The following OCA2 variants were observed in gnomAD, a reference collection of about 807,000 sequenced individuals.
OCA2 encodes OCA2 melanosomal transmembrane protein.
OCA2 carries 77 observed loss-of-function variants against 100.2 expected under a neutral mutation model. The observed-to-expected ratio is 0.77, with a 90% CI of 0.64 to 0.93. The LOEUF (loss-of-function observed/expected upper bound fraction) is 0.93. Among genes scored for constraint, OCA2 ranks in the 40% least tolerant of loss-of-function variants. The pLI is 0.00. For synonymous variants in OCA2, 432 were observed against 439.2 expected (o/e 0.98, Z 0.21); for missense variants, 1,062 against 1,089.1 (o/e 0.98, Z 0.35).
chr15:28,097,895 A>G (rs2045016183), intron 1 of OCA2, among the ~76,000 whole-genome samples: 1 of 152,174 alleles, frequency 6.6e-6, no homozygotes, highest in African/African-American at 2.4e-5. Context: ...CCCCCCAGCC[A>G]CAGTGATCTT....
chr15:27,919,640 G>A (rs1007719242), intron 19 of OCA2, among the ~76,000 whole-genome samples: 1 of 152,136 alleles, frequency 6.6e-6, no homozygotes, highest in Non-Finnish European at 1.5e-5. Flanking sequence ...TGAACAAGTG[G>A]AGCACAGAGG....
chr15:28,051,095 G>A (rs1462154965), intron 2 of OCA2, among the ~76,000 whole-genome samples: 1 of 152,182 alleles, frequency 6.6e-6, no homozygotes. Context: ...TGGGACCTCT[G>A]CAGGTCTTCC....
chr15:28,096,547 T>A (rs897565242), intron 1 of OCA2, among the ~76,000 whole-genome samples: 1 of 152,196 alleles, frequency 6.6e-6, no homozygotes. Context: ...CAGCCGGTCC[T>A]GGGCTGAGAC....
intron 19 of OCA2, among the ~76,000 whole-genome samples, chr15:27,921,003 T>A (rs191522633): frequency 0.019 from 2,881 of 151,724 alleles, 85 homozygotes; most frequent in African/African-American, 0.064. Flanking sequence ...TAATTTTTTT[T>A]AAAAAAAGAG....
chr15:28,082,927 C>T (rs2044698533), intron 1 of OCA2, among the ~76,000 whole-genome samples: 1 of 152,086 alleles, frequency 6.6e-6, no homozygotes, highest in Non-Finnish European at 1.5e-5. Context: ...AACCACTCAC[C>T]ATTTTATTTT....
At chr15:27,990,443 A>C in intron 10 of OCA2, 133 bp downstream of exon 10, 1 of 880,538 alleles carries the variant, frequency 1.1e-6, no homozygotes, top group Admixed American at 1.7e-5. Context: ...TACCTCTAGC[A>C]TGGTTCTTGG....
At chr15:27,737,619 A>G in the OCA2 span, among the ~76,000 whole-genome samples, 1 of 152,358 alleles carries the variant, frequency 6.6e-6, no homozygotes, top group Non-Finnish European at 1.5e-5. Flanking sequence ...GGAGCTAAAC[A>G]TAAAAGGCAA....
intron 2 of OCA2, among the ~76,000 whole-genome samples, chr15:28,034,554 T>C (rs1792187417): frequency 6.6e-6 from 1 of 152,098 alleles, no homozygotes; most frequent in African/African-American, 2.4e-5. Context: ...GGCAAGTGGA[T>C]TGCTTGAGCC....
intron 2 of OCA2, among the ~76,000 whole-genome samples, chr15:28,042,768 G>A (rs1014759567): frequency 1.3e-5 from 2 of 152,078 alleles, no homozygotes; most frequent in Non-Finnish European, 2.9e-5. Context: ...AAACCAAGAT[G>A]CCCTGTATAT....
intron 2 of OCA2, among the ~76,000 whole-genome samples, chr15:28,065,082 G>A (rs957059430): frequency 6.6e-6 from 1 of 151,974 alleles, no homozygotes; most frequent in Non-Finnish European, 1.5e-5. Flanking sequence ...AAGCAAACCA[G>A]AAAAAGAGAA....
rs1053191425 is a variant in OCA2, at chr15:27,973,729, T to G, written c.1504-6907A>C. Among the ~76,000 whole-genome samples, 3 of 152,210 alleles carry G rather than the reference T, an allele frequency of 2.0e-5. 1 individual carries two copies. Among genetic ancestry groups the G allele is most frequent in the Non-Finnish European group, 4.4e-5 (3 of 68,032 alleles). ...TTTCTAATTCTGTGAAAAATGATAT[T>G]GGCATTTTGATAGGAATTGCATTGA... is the stretch of plus-strand genomic sequence containing the variant. On this transcript the variant is annotated intron_variant, in intron 14 of 23. Coordinates refer to ENST00000354638, the MANE Select transcript of OCA2 (RefSeq NM_000275.3).
At chr15:28,096,474 G>T (rs2044985647) in intron 1 of OCA2, among the ~76,000 whole-genome samples, 1 of 152,196 alleles carries the variant, frequency 6.6e-6, no homozygotes, top group African/African-American at 2.4e-5. Flanking sequence ...CCAGGGAGGG[G>T]GCAGGAGAAG....
At chr15:27,988,706 C>T (rs769817850) in intron 11 of OCA2, among the ~76,000 whole-genome samples, 11 of 152,108 alleles carry the variant, frequency 7.2e-5, no homozygotes, top group East Asian at 1.9e-4. Flanking sequence ...TTAAAAAAGG[C>T]GTATCTCAGG....
intron 2 of OCA2, among the ~76,000 whole-genome samples, chr15:28,045,124 C>CTT (rs1231776368): frequency 6.6e-6 from 1 of 151,998 alleles, no homozygotes; most frequent in Non-Finnish European, 1.5e-5. Context: ...CCTTTTTCTG[C>CTT]CTTATTTTGC....
At position 27,812,034 on chromosome 15, in the gene OCA2, A is replaced by G. The variant is rs150229450; in HGVS notation, c.2432+32925T>C. ...AATGATCTTGAAGTTGGATTTGTGC[A>G]TTCCATAAAATAAGTCCATAAATAA... is the stretch of plus-strand genomic sequence containing the variant. On this transcript the variant is annotated intron_variant, in intron 23 of 23. Coordinates refer to ENST00000354638, the MANE Select transcript of OCA2 (RefSeq NM_000275.3). Among the ~76,000 whole-genome samples, 58 of 152,326 alleles carry G rather than the reference A, an allele frequency of 3.8e-4. 1 individual carries two copies. Among genetic ancestry groups the G allele is most frequent in the African/African-American group, 1.3e-3 (52 of 41,566 alleles).
chr15:27,959,691 G>A (rs1258736203), intron 15 of OCA2, among the ~76,000 whole-genome samples: 2 of 152,152 alleles, frequency 1.3e-5, no homozygotes, highest in Non-Finnish European at 1.5e-5. Flanking sequence ...CAAAGCCTGG[G>A]AACCAAGGCT....
intron 23 of OCA2, among the ~76,000 whole-genome samples, chr15:27,816,632 A>C (rs4778119): frequency 0.75 from 114,258 of 151,608 alleles, 44,379 homozygotes; most frequent in East Asian, 1. Context: ...CTTTCTCCTG[A>C]CCCTTTCTCT....
At chr15:28,079,507 C>T (rs2044546963) in intron 2 of OCA2, among the ~76,000 whole-genome samples, 1 of 152,174 alleles carries the variant, frequency 6.6e-6, no homozygotes, top group Non-Finnish European at 1.5e-5. Flanking sequence ...GCCCTCCACA[C>T]TCAGACATTC....
At chr15:27,966,646 T>C in intron 15 of OCA2, 44 bp downstream of exon 15, 1 of 1,608,400 alleles carries the variant, frequency 6.2e-7, no homozygotes, top group Non-Finnish European at 8.5e-7. Context: ...AACAATATTA[T>C]GGTCATGAAA....
Sources: gnomAD v4.1 joint callset for allele counts (sites outside exome capture counted in the v4.1 genomes callset) on GRCh38, gnomAD v4.1.1 for gene constraint, MANE v1.5 for transcripts, NCBI Gene and HGNC (gene_info 2026-07-23, HGNC 2026-07-21) for gene names.